SLCO1B1: variants seen among roughly 807,000 people sequenced by gnomAD.
The protein encoded by SLCO1B1 is OATP-2.
A neutral mutation model predicts 70.1 loss-of-function variants in SLCO1B1; 81 were observed. The ratio of observed to expected loss-of-function variants is 1.16; its 90% confidence interval spans 0.97 to 1.39. The LOEUF (loss-of-function observed/expected upper bound fraction) is 1.39, where lower values mean the gene tolerates loss of function less well. SLCO1B1 is among the 40% of genes most tolerant of loss of function. The pLI, the probability that SLCO1B1 is intolerant of heterozygous loss-of-function variation, is 0.00. For missense variants in SLCO1B1, 895 were observed against 799.6 expected (o/e 1.12, Z -1.44); for synonymous variants, 283 against 271.5 (o/e 1.04, Z -0.42).
At chr12:21,159,939 G>A (rs1940592410) in intron 2 of SLCO1B1, among the ~76,000 whole-genome samples, 1 of 151,720 alleles carries the variant, frequency 6.6e-6, no homozygotes, top group Non-Finnish European at 1.5e-5. Flanking sequence ...TCTCTACAAT[G>A]AGACTTATGA....
chr12:21,147,373 G>C (rs1220114726), intron 2 of SLCO1B1, among the ~76,000 whole-genome samples: 1 of 152,060 alleles, frequency 6.6e-6, no homozygotes. Context: ...TGCCATGGTG[G>C]TTTGCTGCAC....
chr12:21,155,361 C>T (rs1940529464), intron 2 of SLCO1B1, among the ~76,000 whole-genome samples: 1 of 151,724 alleles, frequency 6.6e-6, no homozygotes, highest in South Asian at 2.1e-4. Context: ...ACATCTTGTA[C>T]TCCATATTTT....
At chr12:21,213,033 G>A (rs1941307563) in intron 11 of SLCO1B1, among the ~76,000 whole-genome samples, 1 of 151,636 alleles carries the variant, frequency 6.6e-6, no homozygotes, top group African/African-American at 2.4e-5. Flanking sequence ...GCCAGTCTGT[G>A]TCTTTTAATT....
intron 14 of SLCO1B1, among the ~76,000 whole-genome samples, chr12:21,238,110 T>G (rs1941612918): frequency 6.6e-6 from 1 of 152,234 alleles, no homozygotes; most frequent in Admixed American, 6.5e-5. Flanking sequence ...CTCAAAATTT[T>G]TATATGATTT....
chr12:21,187,708 T>C (rs1328111429), intron 7 of SLCO1B1, among the ~76,000 whole-genome samples: 3 of 152,136 alleles, frequency 2.0e-5, no homozygotes, highest in Non-Finnish European at 4.4e-5. Context: ...AAACAATACA[T>C]TTCTACCAGA....
chr12:21,198,812 T>C (rs1941124725), intron 8 of SLCO1B1, among the ~76,000 whole-genome samples: 1 of 152,102 alleles, frequency 6.6e-6, no homozygotes, highest in Admixed American at 6.6e-5. Flanking sequence ...GCCACTTAAG[T>C]TGTTTATTGA....
chr12:21,170,649 C>A (rs1445343265), intron 2 of SLCO1B1, among the ~76,000 whole-genome samples: 1 of 152,174 alleles, frequency 6.6e-6, no homozygotes, highest in African/African-American at 2.4e-5. Context: ...TTATTCCCAT[C>A]ATCAACTTAA....
chr12:21,231,652 GACAC>G (rs982139327), intron 14 of SLCO1B1, among the ~76,000 whole-genome samples: 5 of 151,590 alleles, frequency 3.3e-5, no homozygotes, highest in African/African-American at 1.2e-4. Context: ...TACACACACA[GACAC>G]ACACACATAT....
chr12:21,178,974 A>G lies in SLCO1B1; in HGVS notation c.681A>G (p.Gly227=), dbSNP rs1364113566. 5 of 1,612,094 alleles carry G rather than the reference A, an allele frequency of 3.1e-6. No homozygotes were observed. The highest frequency in any genetic ancestry group is 1.7e-6 in the Non-Finnish European group (2 of 1,178,530). Residue 227 remains glycine (G), a synonymous_variant, in exon 7 of 15, where the codon GGA becomes GGG. Transcript: ENST00000256958. ...MIGPIIGFTL[G]SLFSKMYVDI... is the part of the protein sequence containing the mutation. Reference sequence around the variant, plus strand: ...GTCCAATCATTGGCTTTACCCTGGGATCTCTGTTTTCTAAAATGTACGTGG... The same window carrying G: ...GTCCAATCATTGGCTTTACCCTGGGGTCTCTGTTTTCTAAAATGTACGTGG...
intron 2 of SLCO1B1, among the ~76,000 whole-genome samples, chr12:21,155,550 CAA>C (rs1002358271): frequency 6.6e-6 from 1 of 152,040 alleles, no homozygotes; most frequent in Non-Finnish European, 1.5e-5. Flanking sequence ...AATGTTTTCT[CAA>C]AGACATCACT....
intron 8 of SLCO1B1, among the ~76,000 whole-genome samples, chr12:21,200,253 C>A (rs2121145422): frequency 6.6e-6 from 1 of 152,204 alleles, no homozygotes; most frequent in South Asian, 2.1e-4. Flanking sequence ...AAGCAAGTTA[C>A]AAAACAGCAC....
intron 1 of SLCO1B1, among the ~76,000 whole-genome samples, chr12:21,133,313 G>A (rs1179834041): frequency 1.3e-5 from 2 of 152,008 alleles, no homozygotes; most frequent in East Asian, 1.9e-4. Flanking sequence ...CTTGGTATGC[G>A]GGCTCTTTTT....
intron 9 of SLCO1B1, among the ~76,000 whole-genome samples, chr12:21,201,319 A>C (rs955511224): frequency 2.0e-5 from 3 of 152,142 alleles, no homozygotes; most frequent in African/African-American, 7.2e-5. Context: ...CAAGAAAATG[A>C]ATGTACTGAA....
At position 21,154,663 on chromosome 12, in the gene SLCO1B1, G is replaced by GT. The variant is rs997645388; in HGVS notation, c.84+13014dup. ...TATTTTACCTCCTTTCCTGTTTTTA[G>GT]TTTTTTTTTAAGACATTGAGAAAAT... On this transcript the variant is annotated intron_variant, in intron 2 of 14. Coordinates refer to ENST00000256958, the MANE Select transcript of SLCO1B1 (RefSeq NM_006446.5). Among the ~76,000 whole-genome samples, 30 of 150,420 alleles carry GT rather than the reference G, an allele frequency of 2.0e-4. No individual in the cohort carries two copies. The Middle Eastern group carries it at 0.01, about 51-fold the overall frequency.
chr12:21,186,415 C>A (rs767126823), intron 7 of SLCO1B1, among the ~76,000 whole-genome samples: 4 of 151,222 alleles, frequency 2.6e-5, no homozygotes, highest in Non-Finnish European at 5.9e-5. Flanking sequence ...CAATAAATTG[C>A]GGATTGCAGC....
chr12:21,234,027 G>A (rs771688618), intron 14 of SLCO1B1, among the ~76,000 whole-genome samples: 10 of 152,238 alleles, frequency 6.6e-5, no homozygotes, highest in Non-Finnish European at 1.0e-4. Context: ...GCAATAAAGA[G>A]TAATTCATGC....
chr12:21,174,430 T>C (rs1940793505), intron 3 of SLCO1B1, 147 bp from the exon 4 acceptor site: 2 of 736,420 alleles, frequency 2.7e-6, no homozygotes, highest in Non-Finnish European at 4.6e-6. Context: ...TGGTCTAATG[T>C]AGGTGAATTC....
At chr12:21,231,989 C>T (rs1308526312) in intron 14 of SLCO1B1, among the ~76,000 whole-genome samples, 3 of 152,026 alleles carry the variant, frequency 2.0e-5, no homozygotes, top group Non-Finnish European at 4.4e-5. Flanking sequence ...GTAACTTAAC[C>T]ATGAGTGTAT....
At chr12:21,164,829 C>A (rs369563684) in intron 2 of SLCO1B1, 28 of 492,192 alleles carry the variant, frequency 5.7e-5, no homozygotes, top group Middle Eastern at 3.2e-4. Flanking sequence ...TCAGAATAGT[C>A]CCTTTTTCCT....
Sources: gnomAD v4.1 joint callset for allele counts (sites outside exome capture counted in the v4.1 genomes callset) on GRCh38, gnomAD v4.1.1 for gene constraint, MANE v1.5 for transcripts, NCBI Gene and HGNC (gene_info 2026-07-23, HGNC 2026-07-21) for gene names.